COL1A2: variants seen among roughly 807,000 people sequenced by gnomAD.
COL1A2 encodes collagen type I alpha 2 chain.
COL1A2 carries 49 observed loss-of-function variants against 174.3 expected under a neutral mutation model. That is an observed-to-expected ratio of 0.28 (90% CI 0.22 to 0.36). The LOEUF is 0.36. COL1A2 is among the 10% of genes least tolerant of loss of function. The probability of loss-of-function intolerance (pLI) is 1.00; values close to 1 mark genes in which losing one functional copy is unlikely to be tolerated. For missense variants in COL1A2, 1,438 were observed against 1,822.7 expected (o/e 0.79, Z 3.84); for synonymous variants, 655 against 606.6 (o/e 1.08, Z -1.17).
Position 94,428,459 on chromosome 7 carries a change from T to A in COL1A2, c.3693T>A (p.Thr1231=). The change falls in exon 50 of 52, where the codon ACT becomes ACA. Residue 1231 remains threonine, a synonymous_variant. Transcript: ENST00000297268. ...AGAAACACGTCTGGCTAGGAGAAAC[T>A]ATCAATGCTGGCAGCCAGGTGAGGA... ...KDKKHVWLGE[T]INAGSQFEYN... The A allele has an allele frequency of 6.2e-7, 1 of 1,613,960 alleles. No homozygotes were observed. The highest frequency in any genetic ancestry group is 8.5e-7 in the Non-Finnish European group (1 of 1,179,974).
intron 50 of COL1A2, 80 bp from the exon 51 acceptor site, chr7:94,429,108 C>CTTTTTTTTTTTTTTCT: frequency 1.2e-6 from 1 of 815,866 alleles, no homozygotes; most frequent in Non-Finnish European, 1.8e-6. Context: ...CTTTTTTTTT[C>CTTTTTTTTTTTTTTCT]TTTTTTTTTT....
chr7:94,407,702 G>T, intron 12 of COL1A2, 145 bp from the exon 13 acceptor site: 1 of 681,440 alleles, frequency 1.5e-6, no homozygotes, highest in South Asian at 1.9e-5. Context: ...TGTGTGTCTG[G>T]CATAATTGAA....
At chr7:94,416,573 A>G in intron 31 of COL1A2, 70 bp downstream of exon 31, 2 of 1,137,440 alleles carry the variant, frequency 1.8e-6, no homozygotes, top group Non-Finnish European at 2.6e-6. Flanking sequence ...CCTTTACAAT[A>G]GAAAGATAAT....
chr7:94,401,074 A>G (rs1009134804), intron 5 of COL1A2, among the ~76,000 whole-genome samples: 1 of 152,124 alleles, frequency 6.6e-6, no homozygotes, highest in Non-Finnish European at 1.5e-5. Context: ...TTTTAATTTA[A>G]TTTTCCTCTA....
At chr7:94,425,422 T>C in intron 42 of COL1A2, 188 bp from the exon 43 acceptor site, 2 of 821,554 alleles carry the variant, frequency 2.4e-6, no homozygotes, top group Non-Finnish European at 4.0e-6. Context: ...ACTGCAAAAC[T>C]GGGCCCAAGT....
intron 46 of COL1A2, 92 bp downstream of exon 46, chr7:94,426,622 A>C (rs1188251120): frequency 1.1e-6 from 1 of 942,184 alleles, no homozygotes; most frequent in Non-Finnish European, 1.7e-6. Context: ...TTGTTCCAGT[A>C]TAGCCTATAT....
intron 12 of COL1A2, 144 bp from the exon 13 acceptor site, chr7:94,407,703 C>T: frequency 1.4e-6 from 1 of 689,930 alleles, no homozygotes. Flanking sequence ...GTGTGTCTGG[C>T]ATAATTGAAA....
In COL1A2 at chr7:94,395,591, G is replaced by T. The variant is rs184276159; in HGVS notation, c.70+490G>T. ...ATTGTAAGGCTTGTCCGGAGGAGGA[G>T]GATGACGATGCTGATATGATGATGG... is the stretch of plus-strand genomic sequence containing the variant. On this transcript the variant is annotated intron_variant, in intron 1 of 51. Transcript: ENST00000297268. The T allele has an allele frequency of 4.5e-4, 117 of 262,562 alleles. 1 individual carries two copies. In the East Asian group the frequency reaches 9.7e-3, roughly 22 times the overall value. The allele number at this position is 262,562 out of a possible 1,614,324, so 16.3% of individuals were successfully genotyped here.
At chr7:94,414,631 G>A (rs541439985) in intron 29 of COL1A2, among the ~76,000 whole-genome samples, 5 of 152,040 alleles carry the variant, frequency 3.3e-5, no homozygotes, top group Admixed American at 6.5e-5. Context: ...ACTAGATCCC[G>A]AAAAATTCCT....
chr7:94,415,250 C>T lies in COL1A2; in HGVS notation c.1744C>T (p.Pro582Ser). ...GGGTCTCCATGGTGAGTTTGGTCTCCCTGGTCCTGCTGGTCCAAGAGTAAG... is the reference window on the plus strand; with the variant it reads ...GGGTCTCCATGGTGAGTTTGGTCTCTCTGGTCCTGCTGGTCCAAGAGTAAG... ...ERGLHGEFGL[P>S]GPAGPRGERG... The change falls in exon 30 of 52, where the codon CCT becomes TCT. Residue 582 changes from proline (P) to serine (S), a missense_variant. Pro to Ser is a moderately conservative substitution (Grantham distance 74). Around this residue, in one of 3 missense-constraint regions of COL1A2, gnomAD observed 867 missense variants for 1,213.7 expected, o/e 0.71. Transcript: ENST00000297268. The T allele has an allele frequency of 6.2e-7, 1 of 1,613,862 alleles. No individual in the cohort carries two copies. The highest frequency in any genetic ancestry group is 8.5e-7 in the Non-Finnish European group (1 of 1,179,844).
intron 40 of COL1A2, 40 bp from the exon 41 acceptor site, chr7:94,424,296 G>A (rs769179165): frequency 6.5e-7 from 1 of 1,547,666 alleles, no homozygotes; most frequent in Non-Finnish European, 8.9e-7. Flanking sequence ...TTATCACCTA[G>A]GGTCTTACCC....
intron 12 of COL1A2, among the ~76,000 whole-genome samples, chr7:94,406,507 T>G (rs1402883406): frequency 6.6e-6 from 1 of 152,212 alleles, no homozygotes; most frequent in Non-Finnish European, 1.5e-5. Context: ...TAAAATTCAA[T>G]ATCTATTAAA....
chr7:94,420,997 GT>G lies in COL1A2; in HGVS notation c.2296-9del, dbSNP rs1193169956. 9.3e-6 allele frequency: 15 copies of G among 1,613,904 alleles called. No individual in the cohort carries two copies. The highest frequency in any genetic ancestry group is 1.2e-5 in the Non-Finnish European group (14 of 1,179,852). ...GTTTGTGATTTGACTCCATCTTTTT[GT>G]TTGCATTTAGGGTCCAAATGGTCCC... On this transcript the variant is annotated splice_polypyrimidine_tract_variant and intron_variant, in intron 37 of 51. Coordinates refer to ENST00000297268, the MANE Select transcript of COL1A2 (RefSeq NM_000089.4).
At chr7:94,427,121 G>A (rs1792295429) in intron 47 of COL1A2, 60 bp downstream of exon 47, 1 of 1,604,268 alleles carries the variant, frequency 6.2e-7, no homozygotes, top group Admixed American at 1.7e-5. Context: ...CGAGCAGTGA[G>A]CCCCAGGCTG....
rs1251669486 is a variant in COL1A2 at position 94,412,634 on chromosome 7, A to G, written c.1455A>G (p.Ala485=). Residue 485 remains alanine, a synonymous_variant, in exon 25 of 52, where the codon GCA becomes GCG. Transcript: ENST00000297268. ...GRPGPIGPAG[A]RGEPGNIGFP... The stretch of plus-strand genomic sequence containing the variant: ...CTGGCCCAATTGGCCCAGCTGGAGC[A>G]AGAGGAGAGCCTGGCAACATTGGAT... 6.2e-7 allele frequency: 1 copy of G among 1,614,176 alleles called. No individual in the cohort carries two copies.
intron 12 of COL1A2, 60 bp downstream of exon 12, chr7:94,406,363 CA>C (rs1791797482): frequency 6.7e-7 from 1 of 1,498,404 alleles, no homozygotes. Flanking sequence ...CCATGACCTC[CA>C]AAAAAGTATA....
chr7:94,404,949 A>G (rs1791765074), intron 9 of COL1A2, 57 bp downstream of exon 9: 1 of 1,586,784 alleles, frequency 6.3e-7, no homozygotes, highest in Non-Finnish European at 8.6e-7. Context: ...TTGCCTCAAC[A>G]AGATTTTCTA....
In COL1A2 at chr7:94,418,505, C is replaced by A. The variant is rs956365704; in HGVS notation, c.1978C>A (p.Pro660Thr). The change falls in exon 33 of 52, where the codon CCT (proline) becomes ACT (threonine). Residue 660 changes from proline (P) to threonine (T), a missense_variant. This residue lies in a region of COL1A2 where 867 missense variants were observed against 1,213.7 expected (regional missense o/e 0.71). Coordinates refer to ENST00000297268, the MANE Select transcript of COL1A2 (RefSeq NM_000089.4). Reference protein sequence around the residue: ...IPGGKGEKGEPGLRGEIGNPG... With the variant: ...IPGGKGEKGETGLRGEIGNPG... ...TCTTGCTTTATACTTTCAGGGTGAA[C>A]CTGGTCTCAGAGGTGAAATTGGTAA... The A allele has an allele frequency of 3.7e-6, 6 of 1,613,710 alleles. No homozygotes were observed. Among genetic ancestry groups the A allele is most frequent in the Non-Finnish European group, 5.1e-6 (6 of 1,179,870 alleles).
chr7:94,416,399 T>C lies in COL1A2; in HGVS notation c.1765-6T>C. On this transcript the variant is annotated splice_polypyrimidine_tract_variant and splice_region_variant and intron_variant, in intron 30 of 51. Coordinates refer to ENST00000297268, the MANE Select transcript of COL1A2 (RefSeq NM_000089.4). The stretch of plus-strand genomic sequence containing the variant: ...GTGCAACACTTCTTCTAATCACTTT[T>C]TTCAGGGGGAACGCGGTCCCCCAGG... 1 of 1,564,026 alleles carries C rather than the reference T, an allele frequency of 6.4e-7. No individual in the cohort carries two copies. Among genetic ancestry groups the C allele is most frequent in the Non-Finnish European group, 8.7e-7 (1 of 1,153,126 alleles).
Sources: allele counts gnomAD v4.1 joint callset (sites outside exome capture counted in the v4.1 genomes callset), GRCh38; gene constraint gnomAD v4.1.1; regional missense constraint gnomAD v4.1.1; transcripts MANE v1.5; gene names NCBI Gene and HGNC (gene_info 2026-07-23, HGNC 2026-07-21).